The following RYR3 variants were observed in gnomAD, a reference collection of about 807,000 sequenced individuals.
The protein encoded by RYR3 is brain ryanodine receptor-calcium release channel.
In RYR3, 207 loss-of-function variants were observed where a neutral mutation model predicts 584.3. That is an observed-to-expected ratio of 0.35 (90% CI 0.32 to 0.40). RYR3 has a LOEUF of 0.40. RYR3 is among the 10% of genes least tolerant of loss of function. RYR3 has a pLI of 1.00. For missense variants in RYR3, 5,616 were observed against 6,089.2 expected, an observed-to-expected ratio of 0.92 and a Z score of 2.59; for synonymous variants, 2,416 against 2,248.5, an observed-to-expected ratio of 1.07 and a Z score of -2.11.
chr15:33,499,384 C>A (rs1418807527), intron 2 of RYR3, among the ~76,000 whole-genome samples: 1 of 151,978 alleles, frequency 6.6e-6, no homozygotes, highest in Admixed American at 6.6e-5. Flanking sequence ...ACTCTGTGTG[C>A]TTCCTCACAT....
intron 15 of RYR3, among the ~76,000 whole-genome samples, chr15:33,585,430 C>A (rs939834609): frequency 1.3e-5 from 2 of 152,112 alleles, no homozygotes; most frequent in African/African-American, 2.4e-5. Context: ...TAAGCCTTCA[C>A]TTATATAACC....
intron 3 of RYR3, among the ~76,000 whole-genome samples, chr15:33,524,127 C>T (rs979221339): frequency 6.6e-6 from 1 of 152,188 alleles, no homozygotes; most frequent in Non-Finnish European, 1.5e-5. Context: ...CCTACACACA[C>T]ATACACACAC....
intron 38 of RYR3, among the ~76,000 whole-genome samples, chr15:33,690,277 GA>G (rs1333688889): frequency 6.6e-6 from 1 of 151,944 alleles, no homozygotes; most frequent in Non-Finnish European, 1.5e-5. Flanking sequence ...TCCTTGCTTA[GA>G]AGATGACTGT....
At chr15:33,767,045 A>G (rs1353123871) in intron 60 of RYR3, among the ~76,000 whole-genome samples, 3 of 152,248 alleles carry the variant, frequency 2.0e-5, no homozygotes, top group Non-Finnish European at 2.9e-5. Context: ...CAAACAACCC[A>G]AATATCTGCC....
At chr15:33,672,924 C>T (rs2063934370) in intron 38 of RYR3, among the ~76,000 whole-genome samples, 1 of 152,162 alleles carries the variant, frequency 6.6e-6, no homozygotes, top group South Asian at 2.1e-4. Flanking sequence ...ATTCTTTCTA[C>T]CCTTACCCGT....
intron 62 of RYR3, among the ~76,000 whole-genome samples, chr15:33,769,745 A>G (rs2073413705): frequency 1.3e-5 from 2 of 152,124 alleles, no homozygotes; most frequent in Admixed American, 6.5e-5. Context: ...CTTGAGCTCA[A>G]CAGTTCAAGA....
At chr15:33,476,422 T>G (rs1291277007) in intron 2 of RYR3, among the ~76,000 whole-genome samples, 1 of 152,216 alleles carries the variant, frequency 6.6e-6, no homozygotes, top group African/African-American at 2.4e-5. Flanking sequence ...AAGAGATACA[T>G]GTCATCCATA....
At chr15:33,679,150 C>A in intron 38 of RYR3, among the ~76,000 whole-genome samples, 1 of 129,204 alleles carries the variant, frequency 7.7e-6, no homozygotes, top group African/African-American at 2.8e-5. Flanking sequence ...GGCATGAGTT[C>A]CCCTCCCCCC....
rs768359924 is a variant in RYR3 at position 33,580,014 on chromosome 15, TAGA to T, written c.1313_1315del (p.Glu438del). 8 of 1,613,150 alleles carry T rather than the reference TAGA, an allele frequency of 5.0e-6. No homozygotes were observed. Among genetic ancestry groups the T allele is most frequent in the Non-Finnish European group, 3.4e-6 (4 of 1,179,524 alleles). On this transcript the variant is annotated inframe_deletion, in exon 13 of 104. Transcript: ENST00000634891. ...ACAGCTGCCCCCATCACCCTGCCTA[TAGA>T]AGAAGTCCTGCAGACCCTACAGGAC... is the stretch of plus-strand genomic sequence containing the variant.
intron 1 of RYR3, among the ~76,000 whole-genome samples, chr15:33,424,560 C>T (rs1001707478): frequency 8.5e-5 from 13 of 152,308 alleles, no homozygotes; most frequent in Admixed American, 5.2e-4. Flanking sequence ...AAGCATGTGA[C>T]TGATAGCTCA....
chr15:33,834,285 AACACAC>A (rs61059288), intron 86 of RYR3, among the ~76,000 whole-genome samples: 232 of 136,940 alleles, frequency 1.7e-3, no homozygotes, highest in Middle Eastern at 0.01. Context: ...ATCTGTCTTA[AACACAC>A]ACACACACAC....
At chr15:33,810,066 C>G (rs1302741940) in intron 70 of RYR3, among the ~76,000 whole-genome samples, 1 of 152,204 alleles carries the variant, frequency 6.6e-6, no homozygotes, top group African/African-American at 2.4e-5. Flanking sequence ...TTTGAAAACA[C>G]AGAGCAATTA....
Position 33,800,917 on chromosome 15 carries a change from A to G in RYR3, c.9918+60A>G, listed in dbSNP as rs1246338406. ...TTGTGAAAGCTGCAGACCGTGGAAA[A>G]CTGTTGATGAAAAAAAGCCAACAGT... is the stretch of plus-strand genomic sequence containing the variant. On this transcript the variant is annotated intron_variant, in intron 68 of 103. Transcript: ENST00000634891. 12 of 1,222,972 alleles carry G rather than the reference A, an allele frequency of 9.8e-6. No homozygotes were observed. The South Asian group carries it at 1.3e-4, about 14-fold the overall frequency. 75.8% of individuals were successfully genotyped at this position (1,222,972 alleles called of 1,614,324 possible).
At chr15:33,600,991 C>T (rs896601818) in intron 16 of RYR3, among the ~76,000 whole-genome samples, 4 of 152,158 alleles carry the variant, frequency 2.6e-5, no homozygotes, top group African/African-American at 4.8e-5. Flanking sequence ...TTTTATCCTT[C>T]TGCTCTGTGT....
intron 43 of RYR3, among the ~76,000 whole-genome samples, chr15:33,713,580 G>A (rs899514284): frequency 6.6e-5 from 10 of 152,134 alleles, no homozygotes; most frequent in African/African-American, 2.4e-4. Flanking sequence ...GCCAGGCACT[G>A]TTCAAAACAC....
intron 19 of RYR3, among the ~76,000 whole-genome samples, chr15:33,620,632 C>T (rs2060679955): frequency 6.6e-6 from 1 of 152,170 alleles, no homozygotes; most frequent in Non-Finnish European, 1.5e-5. Context: ...TCAGTCGTTC[C>T]CTTCAAACCT....
chr15:33,735,565 C>T (rs1032503058), intron 48 of RYR3, among the ~76,000 whole-genome samples: 1 of 152,118 alleles, frequency 6.6e-6, no homozygotes, highest in African/African-American at 2.4e-5. Context: ...CCATAGGTTC[C>T]ACTAGGTTTT....
intron 2 of RYR3, among the ~76,000 whole-genome samples, chr15:33,474,825 A>G (rs946693929): frequency 6.6e-6 from 1 of 152,240 alleles, no homozygotes; most frequent in South Asian, 2.1e-4. Context: ...GTAACACCAG[A>G]TGTCCAGGGT....
chr15:33,452,958 G>C (rs901716430), intron 1 of RYR3, among the ~76,000 whole-genome samples: 4 of 152,168 alleles, frequency 2.6e-5, no homozygotes, highest in African/African-American at 9.7e-5. Flanking sequence ...TGTTTGACTT[G>C]TCTGCAAGCA....
Sources: gnomAD v4.1 joint callset for allele counts (sites outside exome capture counted in the v4.1 genomes callset) on GRCh38, gnomAD v4.1.1 for gene constraint, MANE v1.5 for transcripts, NCBI Gene and HGNC (gene_info 2026-07-23, HGNC 2026-07-21) for gene names.